AGTPBP1: variants seen among roughly 807,000 people sequenced by gnomAD.
The protein encoded by AGTPBP1 is cytosolic carboxypeptidase 1.
AGTPBP1 carries 70 observed loss-of-function variants against 143.9 expected under a neutral mutation model. That is an observed-to-expected ratio of 0.49 (90% CI 0.40 to 0.59). AGTPBP1 has a LOEUF of 0.59. Ranked by LOEUF, AGTPBP1 falls within the 20% of genes least tolerant of loss-of-function variation. The pLI, the probability that AGTPBP1 is intolerant of heterozygous loss-of-function variation, is 0.00. For synonymous variants in AGTPBP1, 463 were observed against 500.2 expected, an observed-to-expected ratio of 0.93 and a Z score of 0.99; for missense variants, 1,229 against 1,464.5, an observed-to-expected ratio of 0.84 and a Z score of 2.62.
the AGTPBP1 span, among the ~76,000 whole-genome samples, chr9:85,757,309 C>T: frequency 4.6e-5 from 7 of 152,072 alleles, no homozygotes; most frequent in Admixed American, 2.6e-4. Context: ...TTGTGATCCG[C>T]CTGTCTTGGC....
chr9:85,562,241 AT>A (rs1564011020), intron 25 of AGTPBP1, among the ~76,000 whole-genome samples: 2 of 152,006 alleles, frequency 1.3e-5, no homozygotes, highest in African/African-American at 2.4e-5. Context: ...AAAAAAAAAA[AT>A]ACAGGACAGA....
At chr9:85,735,227 A>G (rs1365735521) in intron 1 of AGTPBP1, among the ~76,000 whole-genome samples, 3 of 152,206 alleles carry the variant, frequency 2.0e-5, no homozygotes, top group African/African-American at 4.8e-5. Flanking sequence ...ACGGTACAAC[A>G]TGAACGAACC....
At chr9:85,765,209 G>A in the AGTPBP1 span, 4 of 254,310 alleles carry the variant, frequency 1.6e-5, no homozygotes, top group East Asian at 3.9e-4. Flanking sequence ...CTCAGCTGGG[G>A]TTTCTCGTCT....
At chr9:85,639,022 TAAGA>T (rs772271479) in intron 13 of AGTPBP1, among the ~76,000 whole-genome samples, 23 of 151,972 alleles carry the variant, frequency 1.5e-4, no homozygotes, top group African/African-American at 5.3e-4. Context: ...TTCAAACACA[TAAGA>T]AAGAGTAACA....
intron 19 of AGTPBP1, 76 bp downstream of exon 19, chr9:85,592,484 A>T: frequency 9.8e-7 from 1 of 1,015,746 alleles, no homozygotes; most frequent in Admixed American, 2.9e-5. Context: ...CTTATGTTAG[A>T]ATATTTAACT....
At chr9:85,788,691 G>A in the AGTPBP1 span, among the ~76,000 whole-genome samples, 1 of 149,020 alleles carries the variant, frequency 6.7e-6, no homozygotes, top group African/African-American at 2.5e-5. Flanking sequence ...TATAGATATA[G>A]ATATAGGGTA....
the AGTPBP1 span, among the ~76,000 whole-genome samples, chr9:85,769,385 T>C: frequency 6.6e-6 from 1 of 152,024 alleles, no homozygotes; most frequent in Non-Finnish European, 1.5e-5. Flanking sequence ...TGTATTTGGA[T>C]AGTTCAAAGA....
Position 85,736,502 on chromosome 9 carries a change from T to C in AGTPBP1, c.-34+5273A>G, listed in dbSNP as rs1823785455. ...GTCATCCTATAGTGCTAGAGAACAC[T>C]GTAGAGCTTATTCCTACTATCTAGC... is the stretch of plus-strand genomic sequence containing the variant. On this transcript the variant is annotated intron_variant, in intron 1 of 25. Coordinates refer to ENST00000357081, the MANE Select transcript of AGTPBP1 (RefSeq NM_001330701.2). 2.0e-5 allele frequency among the ~76,000 whole-genome samples: 3 copies of C among 152,348 alleles called. No individual in the cohort carries two copies. In the South Asian group the frequency reaches 6.2e-4, roughly 32 times the overall value.
chr9:85,701,351 T>C (rs749595497), intron 2 of AGTPBP1, among the ~76,000 whole-genome samples: 55 of 151,972 alleles, frequency 3.6e-4, no homozygotes, highest in Non-Finnish European at 6.5e-4. Context: ...TGCCTCAGCC[T>C]CCCGAGTAGC....
the AGTPBP1 span, among the ~76,000 whole-genome samples, chr9:85,779,077 A>C: frequency 1.3e-5 from 2 of 152,020 alleles, no homozygotes; most frequent in African/African-American, 4.8e-5. Context: ...AAAACCAACA[A>C]AAGAACTCCA....
At chr9:85,773,531 T>A in the AGTPBP1 span, among the ~76,000 whole-genome samples, 1 of 150,668 alleles carries the variant, frequency 6.6e-6, no homozygotes, top group Non-Finnish European at 1.5e-5. Context: ...AGAGACGGGG[T>A]TTTACTATGT....
At chr9:85,646,550 A>G (rs944403736) in intron 11 of AGTPBP1, 132 bp from the exon 12 acceptor site, 3 of 678,580 alleles carry the variant, frequency 4.4e-6, no homozygotes, top group East Asian at 2.7e-5. Context: ...CTTATTTAAC[A>G]TCTCTCTAAG....
intron 6 of AGTPBP1, among the ~76,000 whole-genome samples, chr9:85,673,091 A>G (rs1834594602): frequency 6.6e-6 from 1 of 152,192 alleles, no homozygotes; most frequent in Non-Finnish European, 1.5e-5. Context: ...TAAATTTTAA[A>G]TTTACATTAT....
chr9:85,723,106 T>C (rs1459343965), intron 1 of AGTPBP1, among the ~76,000 whole-genome samples: 1 of 152,110 alleles, frequency 6.6e-6, no homozygotes, highest in African/African-American at 2.4e-5. Context: ...CAAGGAGGTG[T>C]CTCCCAGTCA....
At chr9:85,562,781 A>C (rs984795282) in intron 25 of AGTPBP1, among the ~76,000 whole-genome samples, 49 of 152,222 alleles carry the variant, frequency 3.2e-4, no homozygotes, top group African/African-American at 1.2e-3. Context: ...TATTGTAAAG[A>C]GTAATTATAT....
intron 25 of AGTPBP1, among the ~76,000 whole-genome samples, chr9:85,574,650 G>C (rs571524066): frequency 1.3e-5 from 2 of 151,866 alleles, no homozygotes; most frequent in East Asian, 3.9e-4. Flanking sequence ...AAGGATACTG[G>C]ACAGCCATCT....
intron 2 of AGTPBP1, among the ~76,000 whole-genome samples, chr9:85,707,508 C>G (rs1330304042): frequency 6.6e-6 from 1 of 151,342 alleles, no homozygotes; most frequent in Non-Finnish European, 1.5e-5. Context: ...GAAAAAAAAA[C>G]AAAACACTAA....
the AGTPBP1 span, among the ~76,000 whole-genome samples, chr9:85,805,094 C>T: frequency 2.0e-5 from 3 of 152,324 alleles, no homozygotes; most frequent in East Asian, 5.8e-4. Context: ...CGCCGCCGCC[C>T]ACGTGAGGCG....
chr9:85,717,958 T>G (rs895744044), intron 1 of AGTPBP1, among the ~76,000 whole-genome samples: 5 of 152,152 alleles, frequency 3.3e-5, no homozygotes, highest in Admixed American at 3.3e-4. Context: ...GATAGTTTGC[T>G]GAGAATGATG....
Sources: allele counts gnomAD v4.1 joint callset (sites outside exome capture counted in the v4.1 genomes callset), GRCh38; gene constraint gnomAD v4.1.1; transcripts MANE v1.5; gene names NCBI Gene and HGNC (gene_info 2026-07-23, HGNC 2026-07-21).